ICAM1: variants seen among roughly 807,000 people sequenced by gnomAD.
ICAM1 encodes intercellular adhesion molecule 1.
Under a neutral mutation model 42.3 loss-of-function variants are expected in ICAM1, and 28 were observed. The observed-to-expected ratio is 0.66, with a 90% CI of 0.49 to 0.91. The LOEUF (loss-of-function observed/expected upper bound fraction) is 0.91. ICAM1 is among the 40% of genes least tolerant of loss of function. ICAM1 has a pLI of 0.00. For synonymous variants in ICAM1, 304 were observed against 305.9 expected, an observed-to-expected ratio of 0.99 and a Z score of 0.07; for missense variants, 637 against 688.6, an observed-to-expected ratio of 0.93 and a Z score of 0.84.
At position 10,283,659 on chromosome 19, in the gene ICAM1, G is replaced by A. The variant is rs774458697; in HGVS notation, c.510G>A (p.Thr170=). ...EPAVGEPAEV[T]TTVLVRRDHH... is the part of the protein sequence containing the mutation. ...CTGTGGGGGAGCCCGCTGAGGTCAC[G>A]ACCACGGTGCTGGTGAGGAGAGATC... The change falls in exon 3 of 7, where the codon ACG becomes ACA. Residue 170 remains threonine, a synonymous_variant. Transcript: ENST00000264832. 36 of 1,613,866 alleles carry A rather than the reference G, an allele frequency of 2.2e-5. No individual in the cohort carries two copies. Among genetic ancestry groups the A allele is most frequent in the Non-Finnish European group, 2.7e-5 (32 of 1,179,908 alleles).
chr19:10,281,203 C>T (rs186990220), intron 2 of ICAM1, among the ~76,000 whole-genome samples: 2 of 151,146 alleles, frequency 1.3e-5, no homozygotes, highest in Admixed American at 6.6e-5. Flanking sequence ...TCCTGACTTC[C>T]GGTGATCCAT....
At chr19:10,275,875 T>A (rs1232479715) in intron 2 of ICAM1, among the ~76,000 whole-genome samples, 132 of 151,390 alleles carry the variant, frequency 8.7e-4, no homozygotes, top group Middle Eastern at 3.2e-3. Context: ...GCCCGGCTCA[T>A]TTTTTTGTAT....
intron 2 of ICAM1, among the ~76,000 whole-genome samples, chr19:10,281,791 G>A (rs1034055209): frequency 1.2e-4 from 18 of 146,266 alleles, no homozygotes; most frequent in African/African-American, 3.0e-4. Context: ...GTACAGTGGC[G>A]CGATCTCAGT....
Position 10,273,830 on chromosome 19 carries a change from G to A in ICAM1, c.68-935G>A, listed in dbSNP as rs1395253944. Among the ~76,000 whole-genome samples, 7 of 151,944 alleles carry A rather than the reference G, an allele frequency of 4.6e-5. No individual in the cohort carries two copies. In the South Asian group the frequency reaches 1.5e-3, roughly 32 times the overall value. On this transcript the variant is annotated intron_variant, in intron 1 of 6. Coordinates refer to ENST00000264832, the MANE Select transcript of ICAM1 (RefSeq NM_000201.3). ...GGAGTTTGAGAGCAGGCTGGCCGAC[G>A]TGGCGAAACCCCGTCTCTATTAAAA...
chr19:10,284,505 A>C lies in ICAM1; in HGVS notation c.1028A>C (p.Asn343Thr). The change falls in exon 5 of 7, where the codon AAT (asparagine) becomes ACT (threonine). Residue 343 changes from asparagine to threonine, a missense_variant. Transcript: ENST00000264832. This position sits in a 1 kb window ranked among gnomAD's most constrained non-coding sequence, Gnocchi z 5.4. ...EAHPRAKVTL[N>T]GVPAQPLGPR... ...CACCCTAGAGCCAAGGTGACGCTGAATGGGGTTCCAGCCCAGCCACTGGGC... is the reference window on the plus strand; with the variant it reads ...CACCCTAGAGCCAAGGTGACGCTGACTGGGGTTCCAGCCCAGCCACTGGGC... The C allele has an allele frequency of 6.2e-7, 1 of 1,614,006 alleles. No individual in the cohort carries two copies. Among genetic ancestry groups the C allele is most frequent in the Non-Finnish European group, 8.5e-7 (1 of 1,179,990 alleles).
chr19:10,283,715 A>C lies in ICAM1; in HGVS notation c.566A>C (p.Glu189Ala), dbSNP rs767572203. 1 of 1,613,752 alleles carries C rather than the reference A, an allele frequency of 6.2e-7. No individual in the cohort carries two copies. Among genetic ancestry groups the C allele is most frequent in the Admixed American group, 1.7e-5 (1 of 59,956 alleles). ...HHGANFSCRT[E>A]LDLRPQGLEL... ...GGAGCCAATTTCTCGTGCCGCACTG[A>C]ACTGGACCTGCGGCCCCAAGGGCTG... Residue 189 changes from glutamate to alanine, a missense_variant, in exon 3 of 7, where the codon GAA (glutamate) becomes GCA (alanine). Physicochemically the swap from Glu to Ala is moderately radical, Grantham distance 107 (BLOSUM62 -1). Transcript: ENST00000264832.
At chr19:10,276,410 T>G (rs1284832892) in intron 2 of ICAM1, among the ~76,000 whole-genome samples, 1 of 151,184 alleles carries the variant, frequency 6.6e-6, no homozygotes, top group Non-Finnish European at 1.5e-5. Flanking sequence ...CCGGGCATGG[T>G]GGCAGGCGCC....
In ICAM1 at chr19:10,285,839, G is replaced by A. The variant is rs1347097507; in HGVS notation, c.*552G>A. ...TATTTATTGAGTGTCTTTTATGTAG[G>A]CTAAATGAACATAGGTCTCTGGCCT... On this transcript the variant is annotated 3_prime_UTR_variant, in exon 7 of 7. Coordinates refer to ENST00000264832, the MANE Select transcript of ICAM1 (RefSeq NM_000201.3). 1 of 158,072 alleles carries A rather than the reference G, an allele frequency of 6.3e-6. No individual in the cohort carries two copies. Among genetic ancestry groups the A allele is most frequent in the African/African-American group, 2.4e-5 (1 of 41,490 alleles). The allele number at this position is 158,072 out of a possible 1,614,324, so 9.8% of individuals were successfully genotyped here. A position where few individuals can be genotyped will look rare whatever the true frequency, so the allele number is the denominator to read the frequency against.
At chr19:10,277,844 T>C (rs1238235005) in intron 2 of ICAM1, among the ~76,000 whole-genome samples, 1 of 152,100 alleles carries the variant, frequency 6.6e-6, no homozygotes, top group Non-Finnish European at 1.5e-5. Flanking sequence ...GAAAGAGTTA[T>C]CAAGGCCAAA....
Position 10,284,789 on chromosome 19 carries a change from C to A in ICAM1, c.1187C>A (p.Pro396His), listed in dbSNP as rs1179351488. 2 of 1,605,932 alleles carry A rather than the reference C, an allele frequency of 1.2e-6. No homozygotes were observed. Among genetic ancestry groups the A allele is most frequent in the Non-Finnish European group, 8.5e-7 (1 of 1,177,896 alleles). Residue 396 changes from proline (P) to histidine (H), a missense_variant, in exon 6 of 7, where the codon CCC becomes CAC. Pro to His is a moderately conservative substitution (Grantham distance 77). Coordinates refer to ENST00000264832, the MANE Select transcript of ICAM1 (RefSeq NM_000201.3). This position sits in a 1 kb window ranked among gnomAD's most constrained non-coding sequence, Gnocchi z 5.4. ...TCTCATCGTGTTTTTCCAGATGGCC[C>A]CCGACTGGACGAGAGGGATTGTCCG... ...QTRELRVLYG[P>H]RLDERDCPGN...
In ICAM1 at chr19:10,284,317, T is replaced by C. The variant is rs1185042029; in HGVS notation, c.922T>C (p.Tyr308His). 2 of 1,613,316 alleles carry C rather than the reference T, an allele frequency of 1.2e-6. No individual in the cohort carries two copies. The highest frequency in any genetic ancestry group is 4.5e-5 in the East Asian group (2 of 44,880). ...SQETLQTVTI[Y>H]SFPAPNVILT... is the part of the protein sequence containing the mutation. ...GGAGACACTGCAGACAGTGACCATC[T>C]ACAGTAAGAAGGGGCAGGGGCGGAG... The change falls in exon 4 of 7, where the codon TAC (tyrosine) becomes CAC (histidine). Residue 308 changes from tyrosine (Y) to histidine (H), a missense_variant. Transcript: ENST00000264832. The surrounding 1 kb of genome is among the most constrained non-coding windows in gnomAD (Gnocchi z 5.4).
rs2040098711 is a variant in ICAM1, at chr19:10,285,639, T to C, written c.*352T>C. 1 of 239,818 alleles carries C rather than the reference T, an allele frequency of 4.2e-6. No individual in the cohort carries two copies. Among genetic ancestry groups the C allele is most frequent in the Non-Finnish European group, 8.2e-6 (1 of 121,516 alleles). The allele number at this position is 239,818 out of a possible 1,614,324, so 14.9% of individuals were successfully genotyped here. ...ACAACTGGGAAATACTGAAACTTGCTGCCTATTGGGTATGCTGAGGCCCCA... is the reference window on the plus strand; with the variant it reads ...ACAACTGGGAAATACTGAAACTTGCCGCCTATTGGGTATGCTGAGGCCCCA... On this transcript the variant is annotated 3_prime_UTR_variant, in exon 7 of 7. Transcript: ENST00000264832.
intron 2 of ICAM1, among the ~76,000 whole-genome samples, chr19:10,280,643 C>A (rs1471565206): frequency 6.6e-6 from 1 of 151,884 alleles, no homozygotes; most frequent in East Asian, 1.9e-4. Context: ...GATCTTAGCT[C>A]ACCACAACCT....
rs780248758 is a variant in ICAM1 at position 10,284,204 on chromosome 19, T to C, written c.809T>C (p.Phe270Ser). Residue 270 changes from phenylalanine (F) to serine (S), a missense_variant, in exon 4 of 7, where the codon TTC (phenylalanine) becomes TCC (serine). Coordinates refer to ENST00000264832, the MANE Select transcript of ICAM1 (RefSeq NM_000201.3). The surrounding 1 kb of genome is among the most constrained non-coding windows in gnomAD (Gnocchi z 5.4). ...NPTVTYGNDS[F>S]SAKASVSVTA... Reference sequence around the variant, plus strand: ...ACAGTCACCTATGGCAACGACTCCTTCTCGGCCAAGGCCTCAGTCAGTGTG... The same window carrying C: ...ACAGTCACCTATGGCAACGACTCCTCCTCGGCCAAGGCCTCAGTCAGTGTG... The C allele has an allele frequency of 1.2e-6, 2 of 1,613,916 alleles. No individual in the cohort carries two copies. Among genetic ancestry groups the C allele is most frequent in the Non-Finnish European group, 1.7e-6 (2 of 1,179,990 alleles).
intron 2 of ICAM1, among the ~76,000 whole-genome samples, chr19:10,282,754 T>C (rs1250109807): frequency 6.6e-6 from 1 of 151,878 alleles, no homozygotes; most frequent in Non-Finnish European, 1.5e-5. Context: ...TACTTTCACC[T>C]GTAATCCCAG....
intron 1 of ICAM1, among the ~76,000 whole-genome samples, chr19:10,273,061 C>A (rs1239602756): frequency 6.6e-6 from 1 of 152,118 alleles, no homozygotes; most frequent in African/African-American, 2.4e-5. Flanking sequence ...AGGGCACCAA[C>A]TTCACATTAA....
In ICAM1 at chr19:10,283,482, G is replaced by T; in HGVS notation, c.333G>T (p.Trp111Cys). The change falls in exon 3 of 7, where the codon TGG becomes TGT. Residue 111 changes from tryptophan (W) to cysteine (C), a missense_variant and splice_region_variant. Physicochemically the swap from Trp to Cys is radical, Grantham distance 215 (BLOSUM62 -2). Coordinates refer to ENST00000264832, the MANE Select transcript of ICAM1 (RefSeq NM_000201.3). ...ACCCCCACCTCTGTTTTCCTGCAGG[G>T]ACTCCAGAACGGGTGGAACTGGCAC... ...STAKTFLTVY[W>C]TPERVELAPL... 6.5e-7 allele frequency: 1 copy of T among 1,543,982 alleles called. No individual in the cohort carries two copies.
chr19:10,277,338 G>T (rs558469916), intron 2 of ICAM1, among the ~76,000 whole-genome samples: 1 of 151,966 alleles, frequency 6.6e-6, no homozygotes, highest in Non-Finnish European at 1.5e-5. Flanking sequence ...GGGCCACTAC[G>T]CCTGGCAAAT....
At chr19:10,271,424 CT>C (rs1442670484) in intron 1 of ICAM1, among the ~76,000 whole-genome samples, 198 bp downstream of exon 1, 2 of 151,738 alleles carry the variant, frequency 1.3e-5, no homozygotes, top group Admixed American at 1.3e-4. Flanking sequence ...TAGATTGCAG[CT>C]TTAAAAAAGG....
Sources: allele counts gnomAD v4.1 joint callset (sites outside exome capture counted in the v4.1 genomes callset), GRCh38; gene constraint gnomAD v4.1.1; non-coding constraint Gnocchi (gnomAD v3.1); transcripts MANE v1.5; gene names NCBI Gene and HGNC (gene_info 2026-07-23, HGNC 2026-07-21).